CADM2: variants seen among roughly 807,000 people sequenced by gnomAD.
The protein encoded by CADM2 is immunoglobulin superfamily member 4D.
A neutral mutation model predicts 49.8 loss-of-function variants in CADM2; 12 were observed. The ratio of observed to expected loss-of-function variants is 0.24; its 90% CI spans 0.15 to 0.39. CADM2 has a LOEUF of 0.39. CADM2 is among the 10% of genes least tolerant of loss of function. The probability of loss-of-function intolerance (pLI) is 1.00; values close to 1 mark genes in which losing one functional copy is unlikely to be tolerated. For missense variants in CADM2, 378 were observed against 492.3 expected (o/e 0.77, Z 2.20); for synonymous variants, 214 against 175.4 (o/e 1.22, Z -1.74).
At chr3:85,711,555 G>T (rs1056588440) in intron 1 of CADM2, among the ~76,000 whole-genome samples, 6 of 152,100 alleles carry the variant, frequency 3.9e-5, no homozygotes, top group African/African-American at 1.4e-4. Flanking sequence ...ATTTAATTTA[G>T]TGAAGTTGTT....
intron 1 of CADM2, among the ~76,000 whole-genome samples, chr3:85,371,522 A>G (rs1203253817): frequency 1.3e-5 from 2 of 151,602 alleles, no homozygotes; most frequent in Non-Finnish European, 2.9e-5. Flanking sequence ...GGCTTAGGTA[A>G]GTACACTCTA....
intron 1 of CADM2, among the ~76,000 whole-genome samples, chr3:85,590,842 C>CA (rs1362031385): frequency 2.7e-5 from 4 of 150,488 alleles, no homozygotes; most frequent in African/African-American, 9.7e-5. Flanking sequence ...ACACTATAAA[C>CA]AAAAAAGGAT....
chr3:85,398,518 C>T (rs2034915266), intron 1 of CADM2, among the ~76,000 whole-genome samples: 1 of 152,106 alleles, frequency 6.6e-6, no homozygotes, highest in Non-Finnish European at 1.5e-5. Flanking sequence ...TGGGTATATA[C>T]CCAGTAATGG....
At chr3:85,985,740 T>C (rs2108683039) in intron 8 of CADM2, among the ~76,000 whole-genome samples, 1 of 152,044 alleles carries the variant, frequency 6.6e-6, no homozygotes, top group African/African-American at 2.4e-5. Context: ...AAATAACTAC[T>C]TTTTCACTCT....
intron 7 of CADM2, among the ~76,000 whole-genome samples, chr3:85,942,316 C>T (rs994683680): frequency 1.3e-5 from 1 of 76,876 alleles, no homozygotes; most frequent in Non-Finnish European, 2.2e-5. Context: ...AAAACCATGC[C>T]AAATTGTTTT....
chr3:85,032,181 C>A (rs2035017415), intron 1 of CADM2, among the ~76,000 whole-genome samples: 1 of 150,596 alleles, frequency 6.6e-6, no homozygotes, highest in Non-Finnish European at 1.5e-5. Context: ...AAATGAAAAT[C>A]ACTTTCTAGA....
intron 1 of CADM2, among the ~76,000 whole-genome samples, chr3:85,136,928 G>A (rs573001428): frequency 1.3e-5 from 2 of 151,898 alleles, no homozygotes; most frequent in Admixed American, 1.3e-4. Flanking sequence ...ATTGTCATAG[G>A]CTGCATTTTT....
intron 1 of CADM2, among the ~76,000 whole-genome samples, chr3:85,084,127 C>G (rs565631750): frequency 3.9e-5 from 6 of 152,118 alleles, no homozygotes; most frequent in African/African-American, 1.4e-4. Flanking sequence ...AGCTGATATG[C>G]TTTCTGACTT....
At chr3:85,344,111 C>T (rs1297438357) in intron 1 of CADM2, among the ~76,000 whole-genome samples, 2 of 152,044 alleles carry the variant, frequency 1.3e-5, no homozygotes, top group African/African-American at 2.4e-5. Flanking sequence ...GGGCCGGGCT[C>T]ACGCCTGTAA....
intron 7 of CADM2, among the ~76,000 whole-genome samples, chr3:85,951,898 A>T (rs1244421806): frequency 6.6e-6 from 1 of 150,892 alleles, no homozygotes; most frequent in African/African-American, 2.4e-5. Context: ...GAGAAAGGGA[A>T]AAAACAAAAC....
chr3:85,262,262 T>A (rs1241256725), intron 1 of CADM2, among the ~76,000 whole-genome samples: 1 of 152,108 alleles, frequency 6.6e-6, no homozygotes, highest in East Asian at 1.9e-4. Context: ...AGGATTTTAA[T>A]TTTATTCATA....
intron 8 of CADM2, among the ~76,000 whole-genome samples, chr3:85,971,431 C>G (rs1404602540): frequency 6.6e-6 from 1 of 151,640 alleles, no homozygotes; most frequent in Admixed American, 6.6e-5. Context: ...CAAAATGGCT[C>G]TCAGCTACTT....
At chr3:85,205,148 G>A (rs1209509098) in intron 1 of CADM2, among the ~76,000 whole-genome samples, 1 of 151,358 alleles carries the variant, frequency 6.6e-6, no homozygotes, top group Non-Finnish European at 1.5e-5. Context: ...CTCCTGAGAA[G>A]CAGGGAATAC....
intron 3 of CADM2, among the ~76,000 whole-genome samples, chr3:85,851,262 C>T (rs1464104700): frequency 3.3e-5 from 5 of 152,024 alleles, no homozygotes; most frequent in African/African-American, 1.2e-4. Flanking sequence ...ACAATTGTTT[C>T]TCATGATTAA....
intron 8 of CADM2, among the ~76,000 whole-genome samples, chr3:85,976,421 A>G (rs1726790642): frequency 1.3e-5 from 2 of 151,564 alleles, no homozygotes; most frequent in African/African-American, 4.8e-5. Flanking sequence ...AATTCAATTG[A>G]TCTTACATCG....
chr3:85,520,164 C>A (rs895251873), intron 1 of CADM2, among the ~76,000 whole-genome samples: 1 of 151,722 alleles, frequency 6.6e-6, no homozygotes, highest in Admixed American at 6.6e-5. Flanking sequence ...TCAACTCTTT[C>A]GTTTAGAACT....
intron 1 of CADM2, among the ~76,000 whole-genome samples, chr3:85,669,665 A>G (rs912518185): frequency 6.6e-5 from 10 of 152,144 alleles, no homozygotes; most frequent in African/African-American, 2.4e-4. Flanking sequence ...AAGACAGATA[A>G]AATAGTATAA....
At chr3:85,837,045 A>AT (rs971994183) in intron 3 of CADM2, among the ~76,000 whole-genome samples, 6 of 151,268 alleles carry the variant, frequency 4.0e-5, no homozygotes, top group African/African-American at 4.8e-5. Context: ...AGTTCAATGA[A>AT]TTTTTTTTCA....
intron 1 of CADM2, among the ~76,000 whole-genome samples, chr3:85,627,101 A>T (rs1031063687): frequency 9.9e-5 from 15 of 151,014 alleles, no homozygotes; most frequent in South Asian, 2.1e-4. Context: ...CTTTCATTAA[A>T]TTTTTTTTTT....
Sources: gnomAD v4.1 joint callset for allele counts (sites outside exome capture counted in the v4.1 genomes callset) on GRCh38, gnomAD v4.1.1 for gene constraint, MANE v1.5 for transcripts, NCBI Gene and HGNC (gene_info 2026-07-23, HGNC 2026-07-21) for gene names.